G3BP2: variants seen among roughly 807,000 people sequenced by gnomAD.
The protein encoded by G3BP2 is G3BP stress granule assembly factor 2.
A neutral mutation model predicts 56.7 loss-of-function variants in G3BP2; 11 were observed. That is an observed-to-expected ratio of 0.19 (90% confidence interval 0.12 to 0.32). The LOEUF (loss-of-function observed/expected upper bound fraction) is 0.32, where lower values mean the gene tolerates loss of function less well. Among genes scored for constraint, G3BP2 ranks in the 10% least tolerant of loss-of-function variants. The probability of loss-of-function intolerance (pLI) is 1.00; values close to 1 mark genes in which losing one functional copy is unlikely to be tolerated. For synonymous variants in G3BP2, 165 were observed against 191.6 expected, an observed-to-expected ratio of 0.86 and a Z score of 1.15; for missense variants, 340 against 610.9, an observed-to-expected ratio of 0.56 and a Z score of 4.67.
chr4:75,665,684 C>CAG (rs1732985025), intron 1 of G3BP2, among the ~76,000 whole-genome samples: 1 of 148,294 alleles, frequency 6.7e-6, no homozygotes, highest in African/African-American at 2.5e-5. Flanking sequence ...CACACACACA[C>CAG]AGCTAAGCAA....
intron 3 of G3BP2, among the ~76,000 whole-genome samples, chr4:75,712,455 G>A (rs771661416): frequency 2.6e-5 from 4 of 152,058 alleles, no homozygotes; most frequent in Non-Finnish European, 5.9e-5. Context: ...AAATTTTCAT[G>A]TTTTTCACAT....
At chr4:75,719,331 G>A (rs1720054477) in intron 3 of G3BP2, among the ~76,000 whole-genome samples, 2 of 113,352 alleles carry the variant, frequency 1.8e-5, no homozygotes, top group South Asian at 6.0e-4. Flanking sequence ...CTGGGCGACA[G>A]AGCAAGACTC....
intron 3 of G3BP2, among the ~76,000 whole-genome samples, chr4:75,702,171 A>ATTTTTTTTTTTTTTT (rs57529973): frequency 9.3e-6 from 1 of 107,480 alleles, no homozygotes; most frequent in Non-Finnish European, 1.8e-5. Context: ...AAACCCCCCA[A>ATTTTTTTTTTTTTTT]TTTTTTTTTT....
chr4:75,648,128 T>C (rs1052138112), intron 9 of G3BP2, among the ~76,000 whole-genome samples: 1 of 152,042 alleles, frequency 6.6e-6, no homozygotes, highest in African/African-American at 2.4e-5. Flanking sequence ...GTAGGGCAGA[T>C]CATGAGGTCA....
intron 3 of G3BP2, among the ~76,000 whole-genome samples, chr4:75,709,859 T>C (rs902167925): frequency 1.3e-5 from 2 of 152,086 alleles, no homozygotes; most frequent in East Asian, 1.9e-4. Flanking sequence ...TTTTACAGTA[T>C]CATCTATTCC....
At chr4:75,674,695 C>CATATATATATATATATAT (rs1316726374), upstream of G3BP2, among the ~76,000 whole-genome samples, 41 of 60,688 alleles carry the variant, frequency 6.8e-4, no homozygotes, top group East Asian at 2.4e-3. Flanking sequence ...TATGTATGTA[C>CATATATATATATATATAT]ATATATATAT....
chr4:75,721,485 T>C (rs1408751435), intron 2 of G3BP2, among the ~76,000 whole-genome samples: 3 of 151,208 alleles, frequency 2.0e-5, no homozygotes, highest in African/African-American at 7.3e-5. Flanking sequence ...GTTGAACTCC[T>C]GAGCTTAAAT....
At position 75,656,516 on chromosome 4, in the gene G3BP2, T is replaced by C. The variant is rs1443887093; in HGVS notation, c.442+408A>G. 3.3e-5 allele frequency among the ~76,000 whole-genome samples: 5 copies of C among 152,070 alleles called. No individual in the cohort carries two copies. In the East Asian group the frequency reaches 7.7e-4, roughly 23 times the overall value. On this transcript the variant is annotated intron_variant, in intron 5 of 11. Coordinates refer to ENST00000359707, the MANE Select transcript of G3BP2 (RefSeq NM_203505.3). ...AAAGAAACTAACCACTGTACATCAA[T>C]GGAAGATCAATTAAATAATTACGGC...
chr4:75,673,184 T>A (rs1733646241), intron 1 of G3BP2, 24 bp downstream of exon 1: 1 of 1,190,510 alleles, frequency 8.4e-7, no homozygotes, highest in Non-Finnish European at 1.0e-6. Flanking sequence ...CACACCGACC[T>A]CCCCTCCCGG....
At chr4:75,670,544 T>C (rs1733405579) in intron 1 of G3BP2, 1 of 152,218 alleles carries the variant, frequency 6.6e-6, no homozygotes, top group Non-Finnish European at 1.5e-5. Flanking sequence ...GGGAGGCTAG[T>C]TTTAAAATTC....
intron 3 of G3BP2, among the ~76,000 whole-genome samples, chr4:75,684,723 A>C (rs938457770): frequency 1.3e-5 from 2 of 152,040 alleles, no homozygotes; most frequent in Non-Finnish European, 2.9e-5. Flanking sequence ...CTGAAGCCTA[A>C]GCATATTTTG....
chr4:75,699,907 C>A (rs1381686328), intron 3 of G3BP2, among the ~76,000 whole-genome samples: 2 of 151,034 alleles, frequency 1.3e-5, no homozygotes, highest in African/African-American at 4.9e-5. Context: ...TCACCAAATA[C>A]AAATACTGTT....
At chr4:75,718,420 G>C (rs995279314) in intron 3 of G3BP2, among the ~76,000 whole-genome samples, 2 of 152,092 alleles carry the variant, frequency 1.3e-5, no homozygotes, top group African/African-American at 4.8e-5. Context: ...TCTTTGCAGA[G>C]AGGCAGAACT....
chr4:75,652,515 G>C (rs550614698), intron 8 of G3BP2, among the ~76,000 whole-genome samples: 62 of 152,222 alleles, frequency 4.1e-4, no homozygotes, highest in Middle Eastern at 3.4e-3. Flanking sequence ...CCAGCTATTC[G>C]GGAGGCTGAG....
At chr4:75,676,708 AAT>A (rs1367503535), upstream of G3BP2, among the ~76,000 whole-genome samples, 1 of 152,180 alleles carries the variant, frequency 6.6e-6, no homozygotes, top group Non-Finnish European at 1.5e-5. Flanking sequence ...TGCCTATTGC[AAT>A]AGCTTTCTAC....
At chr4:75,657,084 G>T in intron 4 of G3BP2, 70 bp from the exon 5 acceptor site, 1 of 675,098 alleles carries the variant, frequency 1.5e-6, no homozygotes, top group Non-Finnish European at 2.6e-6. Context: ...AAATTACATG[G>T]CATACACAAT....
chr4:75,652,140 T>A (rs553692981), intron 8 of G3BP2, among the ~76,000 whole-genome samples: 1 of 152,330 alleles, frequency 6.6e-6, no homozygotes, highest in South Asian at 2.1e-4. Flanking sequence ...AGGGGTGGCA[T>A]AGGAAATACA....
chr4:75,715,908 C>G (rs1443890149), intron 3 of G3BP2, among the ~76,000 whole-genome samples: 1 of 152,196 alleles, frequency 6.6e-6, no homozygotes, highest in Non-Finnish European at 1.5e-5. Context: ...TCATTTTTCT[C>G]TGACCCAGAT....
intron 3 of G3BP2, among the ~76,000 whole-genome samples, chr4:75,685,324 A>C (rs796520273): frequency 3.3e-5 from 5 of 152,116 alleles, no homozygotes; most frequent in African/African-American, 1.2e-4. Flanking sequence ...AACATGGTGA[A>C]ACCCTGTCTC....
Sources: gnomAD v4.1 joint callset for allele counts (sites outside exome capture counted in the v4.1 genomes callset) on GRCh38, gnomAD v4.1.1 for gene constraint, MANE v1.5 for transcripts, NCBI Gene and HGNC (gene_info 2026-07-23, HGNC 2026-07-21) for gene names.